The following LRMDA variants were observed in gnomAD, a reference collection of about 807,000 sequenced individuals.
LRMDA encodes the protein leucine-rich melanocyte differentiation-associated protein.
In LRMDA, 18 loss-of-function variants were observed where a neutral mutation model predicts 29.8. That is an observed-to-expected ratio of 0.60 (90% confidence interval 0.42 to 0.90). LRMDA has a LOEUF of 0.90. Among genes scored for constraint, LRMDA ranks in the 40% least tolerant of loss-of-function variants. The pLI is 0.00. For missense variants in LRMDA, 273 were observed against 273.9 expected, an observed-to-expected ratio of 1.00 and a Z score of 0.02; for synonymous variants, 125 against 109.4, an observed-to-expected ratio of 1.14 and a Z score of -0.89.
chr10:75,436,070 AAAAAGAG>A (rs898512975), intron 1 of LRMDA, among the ~76,000 whole-genome samples: 1 of 142,014 alleles, frequency 7.0e-6, no homozygotes, highest in African/African-American at 2.4e-5. Flanking sequence ...AAAAAAAAAA[AAAAAGAG>A]AGAGAGAAAT....
chr10:76,001,526 T>A (rs1277870465), intron 2 of LRMDA, among the ~76,000 whole-genome samples: 4 of 152,210 alleles, frequency 2.6e-5, no homozygotes, highest in Admixed American at 6.5e-5. Context: ...AACTTTGTTA[T>A]ATTTAACTGT....
chr10:75,575,011 A>G (rs1840485269), intron 2 of LRMDA, among the ~76,000 whole-genome samples: 1 of 152,192 alleles, frequency 6.6e-6, no homozygotes, highest in South Asian at 2.1e-4. Context: ...TCATGGTGGA[A>G]GGCAAAGGAG....
chr10:76,541,438 C>T (rs886395753), intron 6 of LRMDA, among the ~76,000 whole-genome samples: 1 of 152,172 alleles, frequency 6.6e-6, no homozygotes, highest in African/African-American at 2.4e-5. Flanking sequence ...GAAGTGGAGG[C>T]TGCAGTGAGC....
At chr10:76,453,241 C>G (rs927501208) in intron 6 of LRMDA, among the ~76,000 whole-genome samples, 2 of 152,126 alleles carry the variant, frequency 1.3e-5, no homozygotes, top group Non-Finnish European at 2.9e-5. Flanking sequence ...TATGCTGTCC[C>G]TTCTATGCAT....
chr10:76,311,055 G>C (rs1840623942), intron 5 of LRMDA, among the ~76,000 whole-genome samples: 1 of 152,022 alleles, frequency 6.6e-6, no homozygotes, highest in African/African-American at 2.4e-5. Context: ...TGGTACCTAT[G>C]AATAAAGAAA....
intron 5 of LRMDA, among the ~76,000 whole-genome samples, chr10:76,252,109 A>G (rs1852495849): frequency 6.6e-6 from 1 of 152,114 alleles, no homozygotes; most frequent in African/African-American, 2.4e-5. Flanking sequence ...TATACCCCCA[A>G]CGCTTCCTGC....
intron 6 of LRMDA, among the ~76,000 whole-genome samples, chr10:76,478,810 C>T (rs1335083096): frequency 6.6e-6 from 1 of 151,294 alleles, no homozygotes; most frequent in Non-Finnish European, 1.5e-5. Flanking sequence ...AAAAAACAAA[C>T]ACTGCATGTT....
intron 5 of LRMDA, among the ~76,000 whole-genome samples, chr10:76,170,860 ATAT>A (rs1259791327): frequency 1.3e-5 from 2 of 152,362 alleles, no homozygotes; most frequent in African/African-American, 4.8e-5. Context: ...AAACTAAAAA[ATAT>A]TATCTGTTAC....
At chr10:76,237,380 A>G (rs1564695824) in intron 5 of LRMDA, among the ~76,000 whole-genome samples, 1 of 152,178 alleles carries the variant, frequency 6.6e-6, no homozygotes, top group Non-Finnish European at 1.5e-5. Context: ...GGTTAAGAAC[A>G]TTTTTGGTTT....
At chr10:76,366,512 C>G (rs1841393437) in intron 6 of LRMDA, among the ~76,000 whole-genome samples, 1 of 152,100 alleles carries the variant, frequency 6.6e-6, no homozygotes. Flanking sequence ...TTTATTGCAG[C>G]TATTGTAAAA....
intron 2 of LRMDA, among the ~76,000 whole-genome samples, chr10:75,470,512 C>T (rs1180011713): frequency 3.3e-5 from 5 of 152,168 alleles, no homozygotes; most frequent in Non-Finnish European, 5.9e-5. Context: ...AACAAAGACC[C>T]GTAAAGCCGA....
chr10:75,584,211 A>T (rs1338206344), intron 2 of LRMDA, among the ~76,000 whole-genome samples: 1 of 151,796 alleles, frequency 6.6e-6, no homozygotes, highest in Non-Finnish European at 1.5e-5. Flanking sequence ...GATGTTCCCT[A>T]GGCTAGGAGC....
chr10:75,879,846 G>A (rs1025070911), intron 2 of LRMDA, among the ~76,000 whole-genome samples: 4 of 152,068 alleles, frequency 2.6e-5, no homozygotes, highest in Non-Finnish European at 4.4e-5. Context: ...GGGTTATGAC[G>A]AACATGGGAC....
intron 2 of LRMDA, among the ~76,000 whole-genome samples, chr10:75,464,099 T>A (rs150959709): frequency 0.013 from 1,964 of 152,280 alleles, 11 homozygotes; most frequent in Non-Finnish European, 0.022. Context: ...ACTGCGCCCA[T>A]CCTGTTCTGG....
At chr10:76,543,526 A>G (rs2132387440) in intron 6 of LRMDA, among the ~76,000 whole-genome samples, 1 of 152,194 alleles carries the variant, frequency 6.6e-6, no homozygotes, top group East Asian at 1.9e-4. Flanking sequence ...AGGTTGATTG[A>G]TCAGTTGGTT....
At chr10:75,909,556 G>A (rs1845812128) in intron 2 of LRMDA, among the ~76,000 whole-genome samples, 1 of 151,996 alleles carries the variant, frequency 6.6e-6, no homozygotes, top group East Asian at 1.9e-4. Flanking sequence ...TGGTAGCTCT[G>A]TTTTATAGAA....
intron 2 of LRMDA, among the ~76,000 whole-genome samples, chr10:75,912,514 C>T (rs1845858975): frequency 6.6e-6 from 1 of 152,130 alleles, no homozygotes. Context: ...GAGAGAACAG[C>T]TTCTGCAAAG....
rs77759774 is a variant in LRMDA at position 75,477,944 on chromosome 10, C to T, written c.131+39450C>T. ...AATTACTTATCTTATCCACATGGCCCCTTTCAGCTGCAGCACAGGAGACTC... is the reference window on the plus strand; with the variant it reads ...AATTACTTATCTTATCCACATGGCCTCTTTCAGCTGCAGCACAGGAGACTC... On this transcript the variant is annotated intron_variant, in intron 2 of 6. Coordinates refer to ENST00000611255, the MANE Select transcript of LRMDA (RefSeq NM_001305581.2). Among the ~76,000 whole-genome samples the T allele has an allele frequency of 5.2e-3, 788 of 152,340 alleles. 8 individuals carry two copies. The highest frequency in any genetic ancestry group is 0.018 in the African/African-American group (769 of 41,580).
chr10:76,151,120 G>A (rs750550773), intron 5 of LRMDA, among the ~76,000 whole-genome samples: 1 of 152,110 alleles, frequency 6.6e-6, no homozygotes. Context: ...GGCTCAAGGG[G>A]GCTCCTCCAA....
Sources: gnomAD v4.1 joint callset for allele counts (sites outside exome capture counted in the v4.1 genomes callset) on GRCh38, gnomAD v4.1.1 for gene constraint, MANE v1.5 for transcripts, NCBI Gene and HGNC (gene_info 2026-07-23, HGNC 2026-07-21) for gene names.